Variants in ANKMY1 observed in about 807,000 individuals in gnomAD.
ANKMY1 encodes ankyrin repeat and MYND domain containing 1.
In ANKMY1, 98 loss-of-function variants were observed where a neutral mutation model predicts 102.0. The observed-to-expected ratio is 0.96, with a 90% CI of 0.82 to 1.14. The LOEUF is 1.14. Among genes scored for constraint, ANKMY1 ranks in the 50% most tolerant of loss-of-function variants. The pLI is 0.00. For synonymous variants in ANKMY1, 582 were observed against 559.9 expected, an observed-to-expected ratio of 1.04 and a Z score of -0.56; for missense variants, 1,330 against 1,347.6, an observed-to-expected ratio of 0.99 and a Z score of 0.20.
At chr2:240,519,374 A>G (rs897454534) in intron 9 of ANKMY1, among the ~76,000 whole-genome samples, 1 of 152,278 alleles carries the variant, frequency 6.6e-6, no homozygotes, top group Non-Finnish European at 1.5e-5. Context: ...GATGAAATAC[A>G]ACAGATAACG....
At chr2:240,551,504 G>A (rs527384464) in intron 4 of ANKMY1, among the ~76,000 whole-genome samples, 10 of 152,340 alleles carry the variant, frequency 6.6e-5, no homozygotes, top group Non-Finnish European at 1.2e-4. Context: ...CAGCCTATGC[G>A]AACCACAGTT....
chr2:240,552,316 G>T (rs928119495), intron 4 of ANKMY1, among the ~76,000 whole-genome samples: 3 of 151,730 alleles, frequency 2.0e-5, no homozygotes, highest in Non-Finnish European at 4.4e-5. Context: ...TGCAGAGTTT[G>T]TTTTTTTTCT....
At chr2:240,512,777 C>T (rs375022554) in intron 10 of ANKMY1, 25 bp downstream of exon 10, 1 of 1,604,880 alleles carries the variant, frequency 6.2e-7, no homozygotes, top group African/African-American at 1.3e-5. Flanking sequence ...GCCCCATACC[C>T]CTATCCAGGT....
chr2:240,470,403 G>A, the ANKMY1 span, among the ~76,000 whole-genome samples: 7 of 152,328 alleles, frequency 4.6e-5, no homozygotes, highest in Admixed American at 2.0e-4. Context: ...CTTCACAGAC[G>A]CCAGGGCTGT....
In ANKMY1 at chr2:240,495,187, G is replaced by C. The variant is rs370659764; in HGVS notation, c.2806+4771C>G. ...GAAGACGCCCGTTACCAAGCGGACC[G>C]TGGTCTAGCGGTAGTGTCAGTGCCA... On this transcript the variant is annotated intron_variant, in intron 15 of 17. Transcript: ENST00000401804. Among the ~76,000 whole-genome samples the C allele has an allele frequency of 1.5e-4, 22 of 150,010 alleles. No homozygotes were observed. The East Asian group carries it at 4.4e-3, about 30-fold the overall frequency.
chr2:240,511,319 C>T (rs2080135820), intron 11 of ANKMY1, among the ~76,000 whole-genome samples: 1 of 152,262 alleles, frequency 6.6e-6, no homozygotes, highest in African/African-American at 2.4e-5. Flanking sequence ...CCGTGGCCAA[C>T]TGGCTTGGGC....
chr2:240,557,287 C>T lies in ANKMY1; in HGVS notation c.49G>A (p.Ala17Thr), dbSNP rs774709714. Residue 17 changes from alanine (A) to threonine (T), a missense_variant, in exon 2 of 18, where the codon GCT (alanine) becomes ACT (threonine). Coordinates refer to ENST00000401804, the MANE Select transcript of ANKMY1 (RefSeq NM_001282771.3). Reference sequence around the variant, plus strand: ...TCTAGCGGGCGTTGGCGGCTGCCAGCCCCAGAGACTTCGTCCTCTAAGCTA... The same window carrying T: ...TCTAGCGGGCGTTGGCGGCTGCCAGTCCCAGAGACTTCGTCCTCTAAGCTA... ...SLSLEDEVSG[A>T]GSRQRPLEGK... 6 of 1,592,946 alleles carry T rather than the reference C, an allele frequency of 3.8e-6. No individual in the cohort carries two copies. The highest frequency in any genetic ancestry group is 1.7e-6 in the Non-Finnish European group (2 of 1,168,806).
chr2:240,555,240 A>G (rs2092174647), intron 2 of ANKMY1, 185 bp from the exon 3 acceptor site: 1 of 630,118 alleles, frequency 1.6e-6, no homozygotes, highest in Middle Eastern at 4.3e-4. Context: ...CGATTGCCCA[A>G]GGCCACACAG....
chr2:240,542,748 T>G (rs1399027233), intron 4 of ANKMY1, among the ~76,000 whole-genome samples: 1 of 148,992 alleles, frequency 6.7e-6, no homozygotes, highest in African/African-American at 2.4e-5. Context: ...ATGTATAAAT[T>G]TATTATGTTA....
At chr2:240,487,844 A>G (rs1553559023) in intron 15 of ANKMY1, among the ~76,000 whole-genome samples, 3 of 152,088 alleles carry the variant, frequency 2.0e-5, no homozygotes, top group Admixed American at 1.3e-4. Context: ...TTCCTGTTGA[A>G]TTGTATGAGT....
At chr2:240,550,352 G>A (rs568258340) in intron 4 of ANKMY1, among the ~76,000 whole-genome samples, 1 of 134,452 alleles carries the variant, frequency 7.4e-6, no homozygotes, top group African/African-American at 2.8e-5. Flanking sequence ...ATCACACTCT[G>A]GGGACTGCTG....
chr2:240,530,143 G>A (rs2084971668), intron 4 of ANKMY1, among the ~76,000 whole-genome samples: 2 of 152,194 alleles, frequency 1.3e-5, no homozygotes, highest in African/African-American at 4.8e-5. Context: ...TGCAAGAGAG[G>A]AAGAAAGCAT....
Position 240,500,513 on chromosome 2 carries a change from C to A in ANKMY1, c.2579G>T (p.Arg860Met), listed in dbSNP as rs2077996145. The change falls in exon 14 of 18, where the codon AGG becomes ATG. Residue 860 changes from arginine (R) to methionine (M), a missense_variant. Coordinates refer to ENST00000401804, the MANE Select transcript of ANKMY1 (RefSeq NM_001282771.3). ...GADILKPVML[R>M]QGEKEAVGTA... Reference sequence around the variant, plus strand: ...GCCCACTGCCTCCTTTTCTCCCTGCCTGAGCATTACAGGCTTCAGGATGTC... The same window carrying A: ...GCCCACTGCCTCCTTTTCTCCCTGCATGAGCATTACAGGCTTCAGGATGTC... The A allele has an allele frequency of 6.2e-7, 1 of 1,614,066 alleles. No individual in the cohort carries two copies. Among genetic ancestry groups the A allele is most frequent in the Non-Finnish European group, 8.5e-7 (1 of 1,180,012 alleles).
chr2:240,488,755 C>T lies in ANKMY1; in HGVS notation c.2807-6494G>A, dbSNP rs147364693. Among the ~76,000 whole-genome samples, 55 of 152,224 alleles carry T rather than the reference C, an allele frequency of 3.6e-4. No individual in the cohort carries two copies. In the East Asian group the frequency reaches 8.7e-3, roughly 24 times the overall value. ...GTAAATGTGATTGCCTTCCTGATTT[C>T]GGTCTTGGCTAAGTCATTATTGTTG... is the stretch of plus-strand genomic sequence containing the variant. On this transcript the variant is annotated intron_variant, in intron 15 of 17. Coordinates refer to ENST00000401804, the MANE Select transcript of ANKMY1 (RefSeq NM_001282771.3).
chr2:240,559,725 G>C (rs964339452), upstream of ANKMY1, among the ~76,000 whole-genome samples: 1 of 152,214 alleles, frequency 6.6e-6, no homozygotes, highest in Non-Finnish European at 1.5e-5. Flanking sequence ...GGGAAGACCT[G>C]GCTGCAGACA....
intron 12 of ANKMY1, 40 bp from the exon 13 acceptor site, chr2:240,507,731 C>T: frequency 6.4e-7 from 1 of 1,556,598 alleles, no homozygotes; most frequent in Non-Finnish European, 8.7e-7. Flanking sequence ...GCCACCATGT[C>T]ACTTCCCCTG....
intron 15 of ANKMY1, among the ~76,000 whole-genome samples, chr2:240,497,861 G>A (rs73104100): frequency 0.32 from 48,289 of 152,094 alleles, 7,800 homozygotes; most frequent in Admixed American, 0.37. Flanking sequence ...ATACTTCTCC[G>A]TAAGTGACAC....
chr2:240,516,082 G>A (rs2081153996), intron 9 of ANKMY1, among the ~76,000 whole-genome samples: 2 of 151,564 alleles, frequency 1.3e-5, no homozygotes, highest in South Asian at 2.1e-4. Context: ...TTGGCCTCAT[G>A]CTGTCTTTAT....
rs1470436549 is a variant in ANKMY1 at position 240,512,926 on chromosome 2, G to A, written c.2021C>T (p.Pro674Leu). ...CFPPQLSTLT[P>L]LHIAAALPGE... Reference sequence around the variant, plus strand: ...AGGAAGGGCGGCAGCGATGTGGAGTGGTGTCAGGGTGCTCAGCTGCAGAGG... The same window carrying A: ...AGGAAGGGCGGCAGCGATGTGGAGTAGTGTCAGGGTGCTCAGCTGCAGAGG... Residue 674 changes from proline (P) to leucine (L), a missense_variant, in exon 10 of 18, where the codon CCA becomes CTA. By Grantham distance (98) the Pro-to-Leu change is moderately conservative. Transcript: ENST00000401804. 12 of 1,613,162 alleles carry A rather than the reference G, an allele frequency of 7.4e-6. No homozygotes were observed. The highest frequency in any genetic ancestry group is 3.3e-5 in the Admixed American group (2 of 59,898).
Sources: allele counts gnomAD v4.1 joint callset (sites outside exome capture counted in the v4.1 genomes callset), GRCh38; gene constraint gnomAD v4.1.1; transcripts MANE v1.5; gene names NCBI Gene and HGNC (gene_info 2026-07-23, HGNC 2026-07-21).